MTMR3: variants seen among roughly 807,000 people sequenced by gnomAD.
MTMR3 encodes myotubularin related protein 3, also known as phosphatidylinositol-3,5-bisphosphate 3-phosphatase MTMR3.
A neutral mutation model predicts 132.4 loss-of-function variants in MTMR3; 32 were observed. That is an observed-to-expected ratio of 0.24 (90% CI 0.18 to 0.32). The LOEUF (loss-of-function observed/expected upper bound fraction) is 0.32, where lower values mean the gene tolerates loss of function less well. Among genes scored for constraint, MTMR3 ranks in the 10% least tolerant of loss-of-function variants. The probability of loss-of-function intolerance (pLI) is 1.00; values close to 1 mark genes in which losing one functional copy is unlikely to be tolerated. For missense variants in MTMR3, 1,216 were observed against 1,489.6 expected (o/e 0.82, Z 3.02); for synonymous variants, 556 against 550.3 (o/e 1.01, Z -0.14).
chr22:29,992,761 C>T (rs916390901), intron 7 of MTMR3: 11 of 152,182 alleles, frequency 7.2e-5, no homozygotes, highest in African/African-American at 2.7e-4. Flanking sequence ...GCTAATCTTG[C>T]TATGCTTTTG....
intron 2 of MTMR3, among the ~76,000 whole-genome samples, chr22:29,959,248 A>G (rs964540023): frequency 6.6e-6 from 1 of 152,170 alleles, no homozygotes; most frequent in Non-Finnish European, 1.5e-5. Context: ...TCAAATTCTC[A>G]TATATTAAGG....
intron 1 of MTMR3, among the ~76,000 whole-genome samples, chr22:29,929,978 CTG>C (rs1326531162): frequency 6.6e-6 from 1 of 152,122 alleles, no homozygotes; most frequent in African/African-American, 2.4e-5. Context: ...GCCCTAGTAA[CTG>C]TGGACAGCAC....
At chr22:29,959,452 C>T (rs1424130356) in intron 2 of MTMR3, among the ~76,000 whole-genome samples, 1 of 152,154 alleles carries the variant, frequency 6.6e-6, no homozygotes, top group Non-Finnish European at 1.5e-5. Flanking sequence ...GACCTCAGCT[C>T]ACTGCAGCCT....
intron 1 of MTMR3, among the ~76,000 whole-genome samples, chr22:29,925,665 C>T (rs1164697849): frequency 6.6e-6 from 1 of 151,908 alleles, no homozygotes; most frequent in Non-Finnish European, 1.5e-5. Context: ...CCTGTAATCC[C>T]AGCAATTTGG....
chr22:29,933,945 A>G (rs554277473), intron 1 of MTMR3, among the ~76,000 whole-genome samples: 3 of 152,276 alleles, frequency 2.0e-5, no homozygotes, highest in South Asian at 2.1e-4. Context: ...CCAGCCATAC[A>G]TATTCGTCTA....
At chr22:30,016,373 A>T (rs2067592255) in intron 14 of MTMR3, 155 bp from the exon 15 acceptor site, 1 of 717,858 alleles carries the variant, frequency 1.4e-6, no homozygotes, top group Non-Finnish European at 2.3e-6. Flanking sequence ...TGGTGTGAGG[A>T]GGAGGAGGCT....
chr22:30,025,979 A>C lies in MTMR3; in HGVS notation c.*178A>C. The C allele has an allele frequency of 5.4e-6, 3 of 550,692 alleles. No individual in the cohort carries two copies. Among genetic ancestry groups the C allele is most frequent in the South Asian group, 5.9e-5 (2 of 33,808 alleles). The allele number at this position is 550,692 out of a possible 1,614,324, so 34.1% of individuals were successfully genotyped here. On this transcript the variant is annotated 3_prime_UTR_variant, in exon 20 of 20. Transcript: ENST00000401950. ...ATTGATTTTTCTTTCCTGTCCCCCT[A>C]CTCCCTCCCTACCTTTTCCATCCTC...
intron 18 of MTMR3, 42 bp downstream of exon 18, chr22:30,022,181 G>GT (rs778598230): frequency 6.6e-7 from 1 of 1,504,616 alleles, no homozygotes; most frequent in Admixed American, 1.7e-5. Flanking sequence ...CAATTTAACT[G>GT]TTTTGTGGTT....
intron 5 of MTMR3, chr22:29,986,116 A>G (rs1379375613): frequency 6.6e-6 from 1 of 152,140 alleles, no homozygotes; most frequent in Non-Finnish European, 1.5e-5. Context: ...TGTAAAGCTC[A>G]CTCTAATCCT....
At chr22:30,008,239 A>G (rs1051399030) in intron 11 of MTMR3, 3 of 565,970 alleles carry the variant, frequency 5.3e-6, no homozygotes, top group South Asian at 2.8e-5. Context: ...GTGAAGTCAC[A>G]TAATCTTCCT....
intron 2 of MTMR3, among the ~76,000 whole-genome samples, chr22:29,967,580 C>G (rs1279202572): frequency 6.6e-6 from 1 of 151,394 alleles, no homozygotes; most frequent in Non-Finnish European, 1.5e-5. Context: ...ATAAAATCCA[C>G]CCTTTTAAAG....
chr22:30,023,864 C>A, intron 19 of MTMR3: 1 of 188,028 alleles, frequency 5.3e-6, no homozygotes, highest in African/African-American at 2.8e-5. Flanking sequence ...ATCACTGCTT[C>A]TTTTTTCCCT....
intron 1 of MTMR3, among the ~76,000 whole-genome samples, chr22:29,919,185 G>C (rs557982306): frequency 1.3e-5 from 2 of 152,070 alleles, no homozygotes; most frequent in Non-Finnish European, 2.9e-5. Flanking sequence ...AAGTTACCTC[G>C]TTTTTTGCTT....
At chr22:29,977,908 A>G (rs1279383182) in intron 3 of MTMR3, among the ~76,000 whole-genome samples, 1 of 152,168 alleles carries the variant, frequency 6.6e-6, no homozygotes, top group East Asian at 1.9e-4. Context: ...GCACTTTGGG[A>G]GGCTGAGGCA....
intron 1 of MTMR3, among the ~76,000 whole-genome samples, chr22:29,932,545 G>A (rs2065667018): frequency 6.6e-6 from 1 of 152,142 alleles, no homozygotes; most frequent in African/African-American, 2.4e-5. Context: ...ATGATTAATA[G>A]TATCATTCAG....
At chr22:29,935,150 A>G (rs73396902) in intron 1 of MTMR3, among the ~76,000 whole-genome samples, 4,953 of 152,216 alleles carry the variant, frequency 0.033, 277 homozygotes, top group African/African-American at 0.11. Context: ...AGATAATTCT[A>G]TTTCTTTTGA....
At chr22:29,955,113 C>G (rs2066162549) in intron 1 of MTMR3, among the ~76,000 whole-genome samples, 1 of 152,182 alleles carries the variant, frequency 6.6e-6, no homozygotes, top group Non-Finnish European at 1.5e-5. Context: ...TCTCAGCCTT[C>G]TGAGTAGCTA....
intron 1 of MTMR3, among the ~76,000 whole-genome samples, chr22:29,917,673 C>T (rs1428570408): frequency 1.3e-5 from 2 of 152,212 alleles, no homozygotes; most frequent in Non-Finnish European, 2.9e-5. Flanking sequence ...TATTTGGCAT[C>T]ACCAAAGGAA....
At chr22:30,016,498 C>T (rs1312805355) in intron 14 of MTMR3, 30 bp from the exon 15 acceptor site, 1 of 1,608,536 alleles carries the variant, frequency 6.2e-7, no homozygotes, top group Non-Finnish European at 8.5e-7. Context: ...TGCCTGATTG[C>T]TTAATTTGTG....
Sources: gnomAD v4.1 joint callset for allele counts (sites outside exome capture counted in the v4.1 genomes callset) on GRCh38, gnomAD v4.1.1 for gene constraint, MANE v1.5 for transcripts, NCBI Gene and HGNC (gene_info 2026-07-23, HGNC 2026-07-21) for gene names.